The following ARIH1 variants were observed in gnomAD, a reference collection of about 807,000 sequenced individuals.
ARIH1 encodes the protein ariadne RBR E3 ubiquitin protein ligase 1.
Under a neutral mutation model 85.0 loss-of-function variants are expected in ARIH1, and 8 were observed. That is an observed-to-expected ratio of 0.09 (90% CI 0.06 to 0.17). The LOEUF (loss-of-function observed/expected upper bound fraction) is 0.17, where lower values mean the gene tolerates loss of function less well. ARIH1 is among the 10% of genes least tolerant of loss of function. The probability of loss-of-function intolerance (pLI) is 1.00; values close to 1 mark genes in which losing one functional copy is unlikely to be tolerated. For missense variants in ARIH1, 311 were observed against 718.1 expected (o/e 0.43, Z 6.48); for synonymous variants, 238 against 253.6 (o/e 0.94, Z 0.59).
At chr15:72,550,116 C>G (rs2064147115) in intron 3 of ARIH1, among the ~76,000 whole-genome samples, 1 of 152,098 alleles carries the variant, frequency 6.6e-6, no homozygotes, top group Non-Finnish European at 1.5e-5. Context: ...TTTTTTTGCT[C>G]TATCTTTAGA....
At chr15:72,479,218 T>C (rs912948862) in intron 1 of ARIH1, among the ~76,000 whole-genome samples, 1 of 152,316 alleles carries the variant, frequency 6.6e-6, no homozygotes, top group Middle Eastern at 3.4e-3. Context: ...ATTGTAAGTA[T>C]AATTAAATAT....
intron 11 of ARIH1, among the ~76,000 whole-genome samples, chr15:72,579,443 T>C (rs2140439688): frequency 6.6e-6 from 1 of 152,384 alleles, no homozygotes; most frequent in Admixed American, 6.5e-5. Flanking sequence ...ACATGGTATG[T>C]AGTTGCCACT....
At chr15:72,500,105 T>C (rs1473432598) in intron 1 of ARIH1, among the ~76,000 whole-genome samples, 1 of 152,148 alleles carries the variant, frequency 6.6e-6, no homozygotes, top group Non-Finnish European at 1.5e-5. Context: ...TCTCTCTTTT[T>C]TTTTTTTGAG....
chr15:72,578,104 T>C (rs934061097), intron 11 of ARIH1, among the ~76,000 whole-genome samples: 2 of 152,194 alleles, frequency 1.3e-5, no homozygotes, highest in African/African-American at 4.8e-5. Flanking sequence ...CTCCATCAAG[T>C]GGTCTTTTAA....
rs141262469 is a variant in ARIH1, at chr15:72,490,556, C to T, written c.375+15542C>T. Reference sequence around the variant, plus strand: ...TTATTGTCTGACTCCACTCCCCTCCCGCTCCTTTCATGGAAAAATTGTCTT... The same window carrying T: ...TTATTGTCTGACTCCACTCCCCTCCTGCTCCTTTCATGGAAAAATTGTCTT... On this transcript the variant is annotated intron_variant, in intron 1 of 13. Coordinates refer to ENST00000379887, the MANE Select transcript of ARIH1 (RefSeq NM_005744.5). 4.9e-3 allele frequency among the ~76,000 whole-genome samples: 745 copies of T among 152,200 alleles called. 19 individuals carry two copies. The highest frequency in any genetic ancestry group is 0.043 in the Admixed American group (653 of 15,284).
At chr15:72,488,366 C>T (rs1476755256) in intron 1 of ARIH1, among the ~76,000 whole-genome samples, 1 of 152,088 alleles carries the variant, frequency 6.6e-6, no homozygotes, top group Admixed American at 6.6e-5. Flanking sequence ...CATGAGCCAC[C>T]GTGCCCAGCT....
chr15:72,563,344 C>A, intron 6 of ARIH1, 50 bp from the exon 7 acceptor site: 1 of 1,515,076 alleles, frequency 6.6e-7, no homozygotes, highest in Middle Eastern at 1.7e-4. Flanking sequence ...TAGGTGTGAG[C>A]CACTGTGCCC....
At chr15:72,478,786 G>A (rs904031463) in intron 1 of ARIH1, among the ~76,000 whole-genome samples, 1 of 152,194 alleles carries the variant, frequency 6.6e-6, no homozygotes, top group Non-Finnish European at 1.5e-5. Flanking sequence ...GGCAGGGTGA[G>A]TAGAGTGAGA....
rs1447786844 is a variant in ARIH1 at position 72,599,986 on chromosome 15, G to A, written c.*16694G>A. On this transcript the variant is annotated 3_prime_UTR_variant, in exon 14 of 14. Coordinates refer to ENST00000379887, the MANE Select transcript of ARIH1 (RefSeq NM_005744.5). Reference sequence around the variant, plus strand: ...CCCAGTGTTGGCTGGACTCTCAAGCGTTTGTGGTATAGGTTTTGGGAGGAC... The same window carrying A: ...CCCAGTGTTGGCTGGACTCTCAAGCATTTGTGGTATAGGTTTTGGGAGGAC... The A allele has an allele frequency of 1.3e-5, 2 of 152,222 alleles. No individual in the cohort carries two copies. Among genetic ancestry groups the A allele is most frequent in the African/African-American group, 2.4e-5 (1 of 41,454 alleles). 9.4% of individuals were successfully genotyped at this position (152,222 alleles called of 1,614,324 possible). A position where few individuals can be genotyped will look rare whatever the true frequency, so the allele number is the denominator to read the frequency against.
At chr15:72,534,772 CTTTGCT>C (rs1220548775) in intron 2 of ARIH1, among the ~76,000 whole-genome samples, 1 of 151,974 alleles carries the variant, frequency 6.6e-6, no homozygotes, top group African/African-American at 2.4e-5. Flanking sequence ...TTCTGTATGT[CTTTGCT>C]TATAACTGTA....
In ARIH1 at chr15:72,593,024, C is replaced by T. The variant is rs754287227; in HGVS notation, c.*9732C>T. On this transcript the variant is annotated 3_prime_UTR_variant, in exon 14 of 14. Transcript: ENST00000379887. Reference sequence around the variant, plus strand: ...CAAAGTGGTTTTACCATTTTGTACTCCTATCAGTGATGTATGAGAGTTACA... The same window carrying T: ...CAAAGTGGTTTTACCATTTTGTACTTCTATCAGTGATGTATGAGAGTTACA... The T allele has an allele frequency of 1.7e-4, 26 of 152,140 alleles. No homozygotes were observed. Among genetic ancestry groups the T allele is most frequent in the Admixed American group, 7.2e-4 (11 of 15,272 alleles). 9.4% of individuals were successfully genotyped at this position (152,140 alleles called of 1,614,324 possible). A position where few individuals can be genotyped will look rare whatever the true frequency, so the allele number is the denominator to read the frequency against.
rs532393448 is a variant in ARIH1, at chr15:72,489,497, T to TA, written c.375+14490dup. Among the ~76,000 whole-genome samples the TA allele has an allele frequency of 1.3e-3, 196 of 152,112 alleles. 1 individual carries two copies. Among genetic ancestry groups the TA allele is most frequent in the African/African-American group, 4.5e-3 (188 of 41,514 alleles). On this transcript the variant is annotated intron_variant, in intron 1 of 13. Transcript: ENST00000379887. Reference sequence around the variant, plus strand: ...GTTCTTCACTATCACACACTCAGAGTAAAAAAATACGTTTCACTTAATCCT... The same window carrying TA: ...GTTCTTCACTATCACACACTCAGAGTAAAAAAAATACGTTTCACTTAATCCT...
At chr15:72,528,666 C>T (rs956253112) in intron 2 of ARIH1, among the ~76,000 whole-genome samples, 1 of 151,990 alleles carries the variant, frequency 6.6e-6, no homozygotes, top group African/African-American at 2.4e-5. Flanking sequence ...CTAGCCTGGA[C>T]AACATAGGGA....
At chr15:72,517,076 T>C (rs1255847790) in intron 1 of ARIH1, among the ~76,000 whole-genome samples, 3 of 152,214 alleles carry the variant, frequency 2.0e-5, no homozygotes, top group Admixed American at 6.5e-5. Context: ...TGTGACAGCA[T>C]TGAATGATAA....
intron 11 of ARIH1, among the ~76,000 whole-genome samples, chr15:72,575,317 G>A (rs139132027): frequency 6.6e-6 from 1 of 152,072 alleles, no homozygotes; most frequent in Non-Finnish European, 1.5e-5. Flanking sequence ...AGTGGCTCAC[G>A]CCTGCAATCC....
chr15:72,502,650 A>C (rs1415247183), intron 1 of ARIH1, among the ~76,000 whole-genome samples: 1 of 152,024 alleles, frequency 6.6e-6, no homozygotes, highest in African/African-American at 2.4e-5. Flanking sequence ...ACAAAAAAAT[A>C]AAAAAATTAG....
At chr15:72,551,273 A>T (rs184281128) in intron 3 of ARIH1, among the ~76,000 whole-genome samples, 366 of 152,364 alleles carry the variant, frequency 2.4e-3, no homozygotes, top group African/African-American at 8.5e-3. Flanking sequence ...TGAATATTTG[A>T]GATAGAAGAA....
rs527766007 is a variant in ARIH1, at chr15:72,538,666, G to A, written c.444-6154G>A. ...TCTTAGGCTGTAACTTTCCTGCCTT[G>A]AAATTTAATTCATATTATTTGGTAT... On this transcript the variant is annotated intron_variant, in intron 2 of 13. Transcript: ENST00000379887. 3.9e-5 allele frequency among the ~76,000 whole-genome samples: 6 copies of A among 152,272 alleles called. No homozygotes were observed. The East Asian group carries it at 1.2e-3, about 29-fold the overall frequency.
In ARIH1 at chr15:72,596,852, G is replaced by A. The variant is rs2064365336; in HGVS notation, c.*13560G>A. 1 of 151,746 alleles carries A rather than the reference G, an allele frequency of 6.6e-6. No homozygotes were observed. The allele number at this position is 151,746 out of a possible 1,614,324, so 9.4% of individuals were successfully genotyped here. On this transcript the variant is annotated 3_prime_UTR_variant, in exon 14 of 14. Coordinates refer to ENST00000379887, the MANE Select transcript of ARIH1 (RefSeq NM_005744.5). ...TATATTTGTATAGTTACAATTTTCT[G>A]CTGAAATTTCCTATTTCTTCATGCA...
Sources: allele counts gnomAD v4.1 joint callset (sites outside exome capture counted in the v4.1 genomes callset), GRCh38; gene constraint gnomAD v4.1.1; transcripts MANE v1.5; gene names NCBI Gene and HGNC (gene_info 2026-07-23, HGNC 2026-07-21).